KCNIP2: variants seen among roughly 807,000 people sequenced by gnomAD.
The protein encoded by KCNIP2 is potassium voltage-gated channel interacting protein 2, also known as A-type potassium channel modulatory protein KCNIP2.
In KCNIP2, 19 loss-of-function variants were observed where a neutral mutation model predicts 39.0. That is an observed-to-expected ratio of 0.49 (90% CI 0.34 to 0.71). The LOEUF is 0.71. Among genes scored for constraint, KCNIP2 ranks in the 30% least tolerant of loss-of-function variants. The pLI, the probability that KCNIP2 is intolerant of heterozygous loss-of-function variation, is 0.01. For synonymous variants in KCNIP2, 111 were observed against 131.2 expected, an observed-to-expected ratio of 0.85 and a Z score of 1.05; for missense variants, 261 against 346.0, an observed-to-expected ratio of 0.75 and a Z score of 1.95.
chr10:101,842,262 G>A (rs1176765793), intron 1 of KCNIP2, among the ~76,000 whole-genome samples: 1 of 152,236 alleles, frequency 6.6e-6, no homozygotes, highest in Non-Finnish European at 1.5e-5. Context: ...AATGTACCCA[G>A]GGTGACACAG....
At chr10:101,833,384 C>T (rs1191364800) in intron 1 of KCNIP2, among the ~76,000 whole-genome samples, 1 of 152,106 alleles carries the variant, frequency 6.6e-6, no homozygotes, top group African/African-American at 2.4e-5. Context: ...GCACTTGGAT[C>T]CTGATAGGAG....
At chr10:101,840,548 G>GC (rs1462342239) in intron 1 of KCNIP2, among the ~76,000 whole-genome samples, 347 of 57,084 alleles carry the variant, frequency 6.1e-3, no homozygotes, top group Non-Finnish European at 7.4e-3. Context: ...AGCCCCCCCC[G>GC]CACCCCCCCC....
chr10:101,839,150 C>T (rs1375419155), intron 1 of KCNIP2, among the ~76,000 whole-genome samples: 1 of 152,200 alleles, frequency 6.6e-6, no homozygotes, highest in Admixed American at 6.5e-5. Flanking sequence ...GACACAGACT[C>T]AGCCATACAT....
At position 101,827,410 on chromosome 10, in the gene KCNIP2, T is replaced by C. The variant is rs773844485; in HGVS notation, c.766-10A>G. ...TCATGATGTTCTCATCCTGTGGCCA[T>C]GATGTGAGCGAGGCAGATTGAAGAG... On this transcript the variant is annotated splice_polypyrimidine_tract_variant and intron_variant, in intron 9 of 9. Transcript: ENST00000356640. 45 of 1,602,962 alleles carry C rather than the reference T, an allele frequency of 2.8e-5. No individual in the cohort carries two copies. Among genetic ancestry groups the C allele is most frequent in the Non-Finnish European group, 3.7e-5 (43 of 1,171,574 alleles).
At chr10:101,835,610 C>T (rs917479502) in intron 1 of KCNIP2, among the ~76,000 whole-genome samples, 6 of 152,010 alleles carry the variant, frequency 3.9e-5, no homozygotes, top group African/African-American at 1.4e-4. Context: ...CCACCCCTCC[C>T]AGCCAGCATC....
chr10:101,843,432 G>C lies in KCNIP2; in HGVS notation c.73+64C>G. 2 of 1,123,698 alleles carry C rather than the reference G, an allele frequency of 1.8e-6. No individual in the cohort carries two copies. The highest frequency in any genetic ancestry group is 2.4e-6 in the Non-Finnish European group (2 of 817,884). 69.6% of individuals were successfully genotyped at this position (1,123,698 alleles called of 1,614,324 possible). ...GTGCGGGCCAGGCCGGGGTCGGAGA[G>C]GCGGAAGGGTCTGGAGGAATGGAAT... On this transcript the variant is annotated intron_variant, in intron 1 of 9. Coordinates refer to ENST00000356640, the MANE Select transcript of KCNIP2 (RefSeq NM_173191.3). The surrounding 1 kb of genome is among the most constrained non-coding windows in gnomAD (Gnocchi z 6.7).
intron 1 of KCNIP2, chr10:101,834,454 C>A (rs1381831103): frequency 5.0e-6 from 2 of 398,588 alleles, no homozygotes; most frequent in Non-Finnish European, 8.8e-6. Context: ...TCAGACTCCC[C>A]AGCCTGAGTA....
At position 101,829,880 on chromosome 10, in the gene KCNIP2, A is replaced by G; in HGVS notation, c.187T>C (p.Ser63Pro). The change falls in exon 3 of 10, where the codon TCC (serine) becomes CCC (proline). Residue 63 changes from serine to proline, a missense_variant. By Grantham distance (74) the Ser-to-Pro change is moderately conservative (BLOSUM62 -1). Transcript: ENST00000356640. The part of the protein sequence containing the change: ...SVSETLAAPA[S>P]LRPHRPRLLD... ...AGGCGGGGTCTGTGGGGGCGGAGGG[A>G]GGCTGGGGCGGCTAATGCTGAAGGG... 1 of 1,509,730 alleles carries G rather than the reference A, an allele frequency of 6.6e-7. No individual in the cohort carries two copies. Among genetic ancestry groups the G allele is most frequent in the Non-Finnish European group, 8.8e-7 (1 of 1,132,774 alleles). 93.5% of individuals were successfully genotyped at this position (1,509,730 alleles called of 1,614,324 possible). A position where few individuals can be genotyped will look rare whatever the true frequency, so the allele number is the denominator to read the frequency against.
In KCNIP2 at chr10:101,828,037, G is replaced by A; in HGVS notation, c.598-44C>T. The A allele has an allele frequency of 6.4e-7, 1 of 1,573,590 alleles. No individual in the cohort carries two copies. Among genetic ancestry groups the A allele is most frequent in the Non-Finnish European group, 8.7e-7 (1 of 1,143,202 alleles). On this transcript the variant is annotated intron_variant, in intron 7 of 9. Transcript: ENST00000356640. The surrounding 1 kb of genome is among the most constrained non-coding windows in gnomAD (Gnocchi z 6.6). The stretch of plus-strand genomic sequence containing the variant: ...AGAGGATCCTTCCTCAGAGCCTCCA[G>A]CCTCCCTTGATCCCTTGCTTGTGGG...
rs938750594 is a variant in KCNIP2, at chr10:101,826,083, C to G, written c.*1270G>C. The G allele has an allele frequency of 6.6e-6, 1 of 152,586 alleles. No homozygotes were observed. The highest frequency in any genetic ancestry group is 1.5e-5 in the Non-Finnish European group (1 of 68,064). 9.5% of individuals were successfully genotyped at this position (152,586 alleles called of 1,614,324 possible). A position where few individuals can be genotyped will look rare whatever the true frequency, so the allele number is the denominator to read the frequency against. ...CAGTCTTCTGATGGGGAAGGGGGCT[C>G]TCTGGGGGCTCTCCCCTCAGATTCT... On this transcript the variant is annotated 3_prime_UTR_variant, in exon 10 of 10. Transcript: ENST00000356640.
intron 1 of KCNIP2, among the ~76,000 whole-genome samples, chr10:101,836,969 A>T (rs957860518): frequency 3.3e-5 from 5 of 152,188 alleles, no homozygotes; most frequent in African/African-American, 1.2e-4. Flanking sequence ...TCAAAAAAAA[A>T]ATAATAATAA....
At chr10:101,827,496 A>G (rs988017477) in intron 9 of KCNIP2, 96 bp from the exon 10 acceptor site, 12 of 1,407,288 alleles carry the variant, frequency 8.5e-6, no homozygotes, top group African/African-American at 1.4e-5. Flanking sequence ...AGACGGGGAC[A>G]TTCAAAAGCA....
chr10:101,830,701 ACACACACACG>A (rs1433102346), intron 2 of KCNIP2, among the ~76,000 whole-genome samples: 5 of 149,258 alleles, frequency 3.3e-5, no homozygotes, highest in Admixed American at 3.3e-4. Context: ...ACACACACAC[ACACACACACG>A]CACGCAGGCC....
chr10:101,842,503 A>C (rs1456955718), intron 1 of KCNIP2, among the ~76,000 whole-genome samples: 1 of 152,202 alleles, frequency 6.6e-6, no homozygotes, highest in Non-Finnish European at 1.5e-5. Flanking sequence ...TGAAGTTCTG[A>C]AAGGTTTGTT....
intron 1 of KCNIP2, among the ~76,000 whole-genome samples, chr10:101,837,051 C>T (rs2066184092): frequency 6.6e-6 from 1 of 152,098 alleles, no homozygotes. Flanking sequence ...TTTGAGGCTG[C>T]AATGAGCCAT....
At chr10:101,830,612 C>A (rs2065941080) in intron 2 of KCNIP2, among the ~76,000 whole-genome samples, 1 of 151,170 alleles carries the variant, frequency 6.6e-6, no homozygotes, top group Non-Finnish European at 1.5e-5. Flanking sequence ...CAGCCGCACA[C>A]GCACACAGTA....
chr10:101,829,016 G>A (rs1372916077), intron 4 of KCNIP2, 59 bp downstream of exon 4: 1 of 1,585,830 alleles, frequency 6.3e-7, no homozygotes, highest in Non-Finnish European at 8.6e-7. Context: ...GGGAAGCTGT[G>A]GACCGGCTTG....
In KCNIP2 at chr10:101,830,795, G is replaced by A. The variant is rs527695161; in HGVS notation, c.169+277C>T. ...ACACACACACACGCGCGCGGGCCTG[G>A]GGCACGCCCTCCACACACATGCAGG... On this transcript the variant is annotated intron_variant, in intron 2 of 9. Transcript: ENST00000356640. Among the ~76,000 whole-genome samples the A allele has an allele frequency of 4.3e-4, 59 of 136,424 alleles. 1 individual carries two copies. The South Asian group carries it at 0.014, about 31-fold the overall frequency. The allele number at this position is 136,424 out of a possible 152,430, so 89.5% of individuals were successfully genotyped here.
intron 1 of KCNIP2, chr10:101,834,172 C>T (rs542534851): frequency 5.0e-6 from 2 of 398,352 alleles, no homozygotes; most frequent in East Asian, 7.1e-5. Context: ...CTCATCCCTG[C>T]CCCAGTCATG....
Sources: gnomAD v4.1 joint callset for allele counts (sites outside exome capture counted in the v4.1 genomes callset) on GRCh38, gnomAD v4.1.1 for gene constraint, Gnocchi (gnomAD v3.1) non-coding constraint, MANE v1.5 for transcripts, NCBI Gene and HGNC (gene_info 2026-07-23, HGNC 2026-07-21) for gene names.